SLC38A10: variants seen among roughly 807,000 people sequenced by gnomAD.
The protein encoded by SLC38A10 is solute carrier family 38 member 10.
Under a neutral mutation model 81.0 loss-of-function variants are expected in SLC38A10, and 53 were observed. That is an observed-to-expected ratio of 0.65 (90% CI 0.53 to 0.82). The LOEUF (loss-of-function observed/expected upper bound fraction) is 0.82, where lower values mean the gene tolerates loss of function less well. Among genes scored for constraint, SLC38A10 ranks in the 40% least tolerant of loss-of-function variants. The pLI is 0.00. For missense variants in SLC38A10, 1,471 were observed against 1,545.0 expected, an observed-to-expected ratio of 0.95 and a Z score of 0.80; for synonymous variants, 665 against 655.3, an observed-to-expected ratio of 1.01 and a Z score of -0.23.
intron 11 of SLC38A10, among the ~76,000 whole-genome samples, chr17:81,257,889 G>A (rs1231101250): frequency 1.3e-5 from 2 of 152,242 alleles, no homozygotes; most frequent in South Asian, 2.1e-4. Flanking sequence ...TGCAGGCACC[G>A]GGAGGACAGG....
chr17:81,271,937 C>T (rs1172720819), intron 9 of SLC38A10, among the ~76,000 whole-genome samples: 1 of 151,836 alleles, frequency 6.6e-6, no homozygotes, highest in Non-Finnish European at 1.5e-5. Context: ...CCGTGTTAGC[C>T]AGGATGGTTT....
chr17:81,256,796 C>A (rs925336082), intron 11 of SLC38A10, among the ~76,000 whole-genome samples: 14 of 152,248 alleles, frequency 9.2e-5, no homozygotes, highest in African/African-American at 3.1e-4. Flanking sequence ...ATCTTGAGCA[C>A]ACAGCTGACC....
At position 81,272,522 on chromosome 17, in the gene SLC38A10, G is replaced by C; in HGVS notation, c.1018C>G (p.Pro340Ala). The C allele has an allele frequency of 6.3e-7, 1 of 1,591,240 alleles. No individual in the cohort carries two copies. The change falls in exon 9 of 16, where the codon CCC (proline) becomes GCC (alanine). Residue 340 changes from proline to alanine, a missense_variant. Pro to Ala is a conservative substitution (Grantham distance 27). This residue lies in a region of SLC38A10 where 720 missense variants were observed against 827.7 expected (regional missense o/e 0.87). Transcript: ENST00000374759. Reference sequence around the variant, plus strand: ...GGCAGCCCTCCCGCCTTACCGTTGGGGATAAGGATGCCACCAACCATGGTT... The same window carrying C: ...GGCAGCCCTCCCGCCTTACCGTTGGCGATAAGGATGCCACCAACCATGGTT... ...FGTMVGGILI[P>A]NVETILGLTG... is the part of the protein sequence containing the mutation.
intron 11 of SLC38A10, among the ~76,000 whole-genome samples, chr17:81,255,400 A>G (rs1481637440): frequency 2.0e-5 from 3 of 152,214 alleles, no homozygotes; most frequent in Non-Finnish European, 4.4e-5. Flanking sequence ...AAAACTTCAA[A>G]ATCAGCAACT....
In SLC38A10 at chr17:81,260,222, GC is replaced by G. The variant is rs1567931519; in HGVS notation, c.1288+15del. 1.9e-6 allele frequency: 3 copies of G among 1,591,926 alleles called. No individual in the cohort carries two copies. The highest frequency in any genetic ancestry group is 4.5e-5 in the East Asian group (2 of 44,312). ...CACTTGCCCTGAGAAGGCTCAGAGA[GC>G]CAGGGTGGGCATACCTGAGAGCCGC... On this transcript the variant is annotated intron_variant, in intron 11 of 15. Coordinates refer to ENST00000374759, the MANE Select transcript of SLC38A10 (RefSeq NM_001037984.3).
rs1420391255 is a variant in SLC38A10, at chr17:81,283,493, C to T, written c.273G>A (p.Gly91=). Residue 91 remains glycine, a synonymous_variant, in exon 4 of 16, where the codon GGG becomes GGA. Coordinates refer to ENST00000374759, the MANE Select transcript of SLC38A10 (RefSeq NM_001037984.3). The surrounding 1 kb of genome is among the most constrained non-coding windows in gnomAD (Gnocchi z 4.7). ...GKMLVETSMI[G]LMLGTCIAFY... ...AGGCGATGCAGGTGCCCAGCATCAGCCCGATCATGCTGCACAGGGACGGGG... is the reference window on the plus strand; with the variant it reads ...AGGCGATGCAGGTGCCCAGCATCAGTCCGATCATGCTGCACAGGGACGGGG... The T allele has an allele frequency of 6.2e-7, 1 of 1,610,122 alleles. No homozygotes were observed. Among genetic ancestry groups the T allele is most frequent in the Non-Finnish European group, 8.5e-7 (1 of 1,178,328 alleles).
intron 3 of SLC38A10, among the ~76,000 whole-genome samples, chr17:81,284,551 T>A (rs1278752577): frequency 6.6e-6 from 1 of 152,186 alleles, no homozygotes; most frequent in Non-Finnish European, 1.5e-5. Context: ...AATATGACAT[T>A]TGCAATGTAA....
At chr17:81,282,922 A>T (rs957930125) in intron 4 of SLC38A10, among the ~76,000 whole-genome samples, 6 of 152,058 alleles carry the variant, frequency 3.9e-5, no homozygotes, top group African/African-American at 7.3e-5. Context: ...CTGCCCAGTG[A>T]GGGGCTCTGC....
At position 81,265,678 on chromosome 17, in the gene SLC38A10, C is replaced by T. The variant is rs1439715580; in HGVS notation, c.1131+5240G>A. ...CCAAGGCACAGATCCAGGCCTGTGC[C>T]CCTCCGTGGGCGCAGCCGGAGCCCC... On this transcript the variant is annotated intron_variant, in intron 10 of 15. Coordinates refer to ENST00000374759, the MANE Select transcript of SLC38A10 (RefSeq NM_001037984.3). This position sits in a 1 kb window ranked among gnomAD's most constrained non-coding sequence, Gnocchi z 4.2. 6.6e-6 allele frequency among the ~76,000 whole-genome samples: 1 copy of T among 152,218 alleles called. No homozygotes were observed. Among genetic ancestry groups the T allele is most frequent in the Non-Finnish European group, 1.5e-5 (1 of 68,038 alleles).
chr17:81,252,608 C>A lies in SLC38A10; in HGVS notation c.1532G>T (p.Gly511Val), dbSNP rs1200058708. Reference sequence around the variant, plus strand: ...CTCTTCTGGCACCTCTCGGTCTTGGCCTTCATCTACCACCACCTTGTCGTG... The same window carrying A: ...CTCTTCTGGCACCTCTCGGTCTTGGACTTCATCTACCACCACCTTGTCGTG... ...VPHDKVVVDEGQDREVPEENK... is the reference protein window; with the variant it reads ...VPHDKVVVDEVQDREVPEENK... Residue 511 changes from glycine (G) to valine (V), a missense_variant, in exon 13 of 16, where the codon GGC becomes GTC. Transcript: ENST00000374759. The A allele has an allele frequency of 6.2e-7, 1 of 1,612,962 alleles. No homozygotes were observed. The highest frequency in any genetic ancestry group is 2.2e-5 in the East Asian group (1 of 44,900).
rs2063335663 is a variant in SLC38A10 at position 81,294,811 on chromosome 17, C to T, written c.99+12G>A. 1 of 1,575,464 alleles carries T rather than the reference C, an allele frequency of 6.3e-7. No individual in the cohort carries two copies. The highest frequency in any genetic ancestry group is 2.5e-5 in the East Asian group (1 of 40,130). On this transcript the variant is annotated intron_variant, in intron 1 of 15. Transcript: ENST00000374759. ...AGGCGAGGGCGGTGATCTCCGGGCC[C>T]ACCGGACTCACCTGTTTGAAGCAGA...
At chr17:81,251,444 C>T (rs1322481282) in intron 14 of SLC38A10, 49 bp downstream of exon 14, 2 of 1,607,670 alleles carry the variant, frequency 1.2e-6, no homozygotes, top group Admixed American at 1.7e-5. Context: ...GGGGAGGGGG[C>T]TGCCGCTCCC....
At chr17:81,290,708 C>T (rs904416530) in intron 1 of SLC38A10, among the ~76,000 whole-genome samples, 1 of 152,096 alleles carries the variant, frequency 6.6e-6, no homozygotes, top group African/African-American at 2.4e-5. Flanking sequence ...ATGACCTGCA[C>T]CCTAAAAAGA....
intron 15 of SLC38A10, 103 bp from the exon 16 acceptor site, chr17:81,246,776 A>G (rs2062855958): frequency 6.7e-7 from 1 of 1,497,946 alleles, no homozygotes; most frequent in African/African-American, 1.4e-5. Context: ...AACCAAAACC[A>G]GACTCACGCT....
At chr17:81,260,478 C>G (rs1330627375) in intron 10 of SLC38A10, 84 bp from the exon 11 acceptor site, 1 of 1,480,424 alleles carries the variant, frequency 6.8e-7, no homozygotes, top group Non-Finnish European at 9.0e-7. Flanking sequence ...GGCAGAGAGG[C>G]TCAGGGACGG....
Position 81,284,981 on chromosome 17 carries a change from G to A in SLC38A10, c.218-86C>T, listed in dbSNP as rs557750747. ...GGTACTGAGCCAAGCTGTCAAGGGCGATTTCACAGAAACCCACGGGCCCAG... is the reference window on the plus strand; with the variant it reads ...GGTACTGAGCCAAGCTGTCAAGGGCAATTTCACAGAAACCCACGGGCCCAG... On this transcript the variant is annotated intron_variant, in intron 2 of 15. Transcript: ENST00000374759. 50 of 1,267,672 alleles carry A rather than the reference G, an allele frequency of 3.9e-5. No homozygotes were observed. In the African/African-American group the frequency reaches 5.7e-4, roughly 14 times the overall value. The allele number at this position is 1,267,672 out of a possible 1,614,324, so 78.5% of individuals were successfully genotyped here.
At chr17:81,257,633 T>C (rs1164888033) in intron 11 of SLC38A10, among the ~76,000 whole-genome samples, 1 of 152,220 alleles carries the variant, frequency 6.6e-6, no homozygotes, top group Non-Finnish European at 1.5e-5. Flanking sequence ...TGTCCCCGCT[T>C]GGGCCTGAGC....
chr17:81,274,797 A>G (rs146398575), intron 8 of SLC38A10, among the ~76,000 whole-genome samples: 1 of 152,356 alleles, frequency 6.6e-6, no homozygotes, highest in East Asian at 1.9e-4. Flanking sequence ...CAAGGAGAGA[A>G]CCAGGACAGC....
intron 8 of SLC38A10, among the ~76,000 whole-genome samples, chr17:81,275,719 G>A (rs1316409364): frequency 1.8e-4 from 10 of 54,238 alleles, no homozygotes; most frequent in South Asian, 1.3e-3. Context: ...GCGACAGAGC[G>A]AAACTCCGTC....
Sources: allele counts gnomAD v4.1 joint callset (sites outside exome capture counted in the v4.1 genomes callset), GRCh38; gene constraint gnomAD v4.1.1; regional missense constraint gnomAD v4.1.1; non-coding constraint Gnocchi (gnomAD v3.1); transcripts MANE v1.5; gene names NCBI Gene and HGNC (gene_info 2026-07-23, HGNC 2026-07-21).